PLA2G6: variants seen among roughly 807,000 people sequenced by gnomAD.
PLA2G6 encodes the protein phospholipase A2 group VI.
In PLA2G6, 62 loss-of-function variants were observed where a neutral mutation model predicts 83.8. The observed-to-expected ratio is 0.74, with a 90% CI of 0.60 to 0.91. The LOEUF is 0.91. Ranked by LOEUF, PLA2G6 falls within the 40% of genes least tolerant of loss-of-function variation. PLA2G6 has a pLI of 0.00. For missense variants in PLA2G6, 944 were observed against 1,102.0 expected (o/e 0.86, Z 2.03); for synonymous variants, 417 against 449.8 (o/e 0.93, Z 0.92).
chr22:38,139,415 T>TTTGA (rs2088752755), intron 5 of PLA2G6: 1 of 147,342 alleles, frequency 6.8e-6, no homozygotes, highest in Non-Finnish European at 1.5e-5. Flanking sequence ...ATAAATTTAT[T>TTTGA]TTTATTTATT....
intron 1 of PLA2G6, among the ~76,000 whole-genome samples, chr22:38,172,348 C>T (rs1035423696): frequency 2.0e-5 from 3 of 152,124 alleles, no homozygotes; most frequent in African/African-American, 7.2e-5. Flanking sequence ...GGCAGCTGCT[C>T]GTCTTTTCAT....
intron 2 of PLA2G6, among the ~76,000 whole-genome samples, chr22:38,155,390 A>C (rs1418547140): frequency 6.6e-6 from 1 of 152,246 alleles, no homozygotes; most frequent in Non-Finnish European, 1.5e-5. Context: ...AAGTACACAG[A>C]AACATATAGA....
At chr22:38,160,574 C>T (rs937267673) in intron 2 of PLA2G6, among the ~76,000 whole-genome samples, 4 of 152,134 alleles carry the variant, frequency 2.6e-5, no homozygotes, top group Non-Finnish European at 5.9e-5. Context: ...TGGCCGGGGG[C>T]GGTGGCTCAC....
chr22:38,116,055 G>A lies in PLA2G6; in HGVS notation c.1879+20C>T. ...CTCGGGCCAGTCGCTTCCCATGGATGCATCAAACATGGTTTAAACCTGAGG... is the reference window on the plus strand; with the variant it reads ...CTCGGGCCAGTCGCTTCCCATGGATACATCAAACATGGTTTAAACCTGAGG... On this transcript the variant is annotated intron_variant, in intron 13 of 16. Coordinates refer to ENST00000332509, the MANE Select transcript of PLA2G6 (RefSeq NM_003560.4). 6.2e-7 allele frequency: 1 copy of A among 1,612,608 alleles called. No homozygotes were observed. Among genetic ancestry groups the A allele is most frequent in the South Asian group, 1.1e-5 (1 of 91,034 alleles).
chr22:38,178,019 G>A lies in PLA2G6; in HGVS notation c.-46+3645C>T, dbSNP rs562092424. On this transcript the variant is annotated intron_variant, in intron 1 of 16. Transcript: ENST00000332509. The stretch of plus-strand genomic sequence containing the variant: ...CGTCTCAAAATGCACTGCTGCTCAC[G>A]TGAGCCAGAGCAAAACGTCCTTTCA... Among the ~76,000 whole-genome samples the A allele has an allele frequency of 8.5e-5, 13 of 152,284 alleles. No individual in the cohort carries two copies. The South Asian group carries it at 1.2e-3, about 15-fold the overall frequency.
chr22:38,134,349 C>G (rs2088405145), intron 6 of PLA2G6: 1 of 152,482 alleles, frequency 6.6e-6, no homozygotes, highest in South Asian at 2.1e-4. Flanking sequence ...ATCACGAGGT[C>G]AGGAGATCGA....
chr22:38,114,625 C>T (rs954212960), intron 14 of PLA2G6, among the ~76,000 whole-genome samples: 2 of 152,336 alleles, frequency 1.3e-5, no homozygotes, highest in African/African-American at 2.4e-5. Flanking sequence ...GACAGTCTGA[C>T]GGTCTCTGCC....
chr22:38,113,650 T>C lies in PLA2G6; in HGVS notation c.2039A>G (p.Gln680Arg), dbSNP rs199950260. The C allele has an allele frequency of 1.2e-6, 2 of 1,613,638 alleles. No individual in the cohort carries two copies. The highest frequency in any genetic ancestry group is 2.2e-5 in the East Asian group (1 of 44,892). The change falls in exon 15 of 17, where the codon CAG (glutamine) becomes CGG (arginine). Residue 680 changes from glutamine to arginine, a missense_variant. Gln to Arg is a conservative substitution (Grantham distance 43). Coordinates refer to ENST00000332509, the MANE Select transcript of PLA2G6 (RefSeq NM_003560.4). ...GGAGAGTTTCTTCACCTTGTTGGCCTGACCCTGTTGGGAACAGGACAGGGG... is the reference window on the plus strand; with the variant it reads ...GGAGAGTTTCTTCACCTTGTTGGCCCGACCCTGTTGGGAACAGGACAGGGG... Reference protein sequence around the residue: ...EYNQDLIRKGQANKVKKLSIV... With the variant: ...EYNQDLIRKGRANKVKKLSIV...
At position 38,126,378 on chromosome 22, in the gene PLA2G6, T is replaced by C; in HGVS notation, c.1420A>G (p.Lys474Glu). The change falls in exon 10 of 17, where the codon AAG (lysine) becomes GAG (glutamate). Residue 474 changes from lysine to glutamate, a missense_variant. Physicochemically the swap from Lys to Glu is moderately conservative, Grantham distance 56. Coordinates refer to ENST00000332509, the MANE Select transcript of PLA2G6 (RefSeq NM_003560.4). ...CGATCTCGATCCACTTACGTCCGCT[T>C]CTCGTCCCTCATGGAGCCCAGGATG... ...AFILGSMRDEKRTHDHLLCLD... is the reference protein window; with the variant it reads ...AFILGSMRDEERTHDHLLCLD... 6.2e-7 allele frequency: 1 copy of C among 1,612,908 alleles called. No individual in the cohort carries two copies.
In PLA2G6 at chr22:38,133,032, C is replaced by A. The variant is rs1373415598; in HGVS notation, c.895-19G>T. The A allele has an allele frequency of 1.4e-5, 22 of 1,552,732 alleles. No homozygotes were observed. In the East Asian group the frequency reaches 5.0e-4, roughly 36 times the overall value. On this transcript the variant is annotated intron_variant, in intron 6 of 16. Transcript: ENST00000332509. ...GGGCCATCTGCGGGAGACGGTCAGG[C>A]TGAGTTAGCACAGGCACTCGGGGAG... is the stretch of plus-strand genomic sequence containing the variant.
rs1045298018 is a variant in PLA2G6 at position 38,148,564 on chromosome 22, A to G, written c.210-2911T>C. On this transcript the variant is annotated intron_variant, in intron 2 of 16. Transcript: ENST00000332509. Reference sequence around the variant, plus strand: ...GGCTGTTACTGGAGAGGATGGGCAGACGAGCAGCACCAGTAACAGCCTCAT... The same window carrying G: ...GGCTGTTACTGGAGAGGATGGGCAGGCGAGCAGCACCAGTAACAGCCTCAT... 4 of 717,104 alleles carry G rather than the reference A, an allele frequency of 5.6e-6. No individual in the cohort carries two copies. The African/African-American group carries it at 7.0e-5, about 13-fold the overall frequency. 44.4% of individuals were successfully genotyped at this position (717,104 alleles called of 1,614,324 possible).
chr22:38,180,581 A>G (rs6001045), intron 1 of PLA2G6, among the ~76,000 whole-genome samples: 2,994 of 152,296 alleles, frequency 0.02, 105 homozygotes, highest in African/African-American at 0.069. Flanking sequence ...GCCAAATGAT[A>G]CACTGAAAGA....
intron 1 of PLA2G6, 122 bp downstream of exon 1, chr22:38,181,542 G>A (rs2090847927): frequency 6.6e-6 from 1 of 152,284 alleles, no homozygotes; most frequent in Admixed American, 6.5e-5. Flanking sequence ...GGGGTCCCTG[G>A]GGTCCACAAG....
At chr22:38,173,080 A>T (rs551538906) in intron 1 of PLA2G6, among the ~76,000 whole-genome samples, 1 of 152,316 alleles carries the variant, frequency 6.6e-6, no homozygotes, top group Non-Finnish European at 1.5e-5. Flanking sequence ...CACTCACGGC[A>T]TTGCCAACCA....
At chr22:38,145,000 T>C in intron 3 of PLA2G6, 1 of 358,238 alleles carries the variant, frequency 2.8e-6, no homozygotes, top group Non-Finnish European at 5.4e-6. Context: ...ACATTGTCCT[T>C]CTTACATTTT....
intron 1 of PLA2G6, among the ~76,000 whole-genome samples, chr22:38,174,739 G>A (rs1432175807): frequency 1.3e-5 from 2 of 152,178 alleles, no homozygotes; most frequent in African/African-American, 4.8e-5. Flanking sequence ...CCCATGAACG[G>A]TGAGCATTTT....
chr22:38,136,687 T>C (rs923565369), intron 5 of PLA2G6: 1 of 151,846 alleles, frequency 6.6e-6, no homozygotes, highest in Non-Finnish European at 1.5e-5. Context: ...TCAGAATCAT[T>C]GTATACTTTC....
At position 38,169,159 on chromosome 22, in the gene PLA2G6, C is replaced by T. The variant is rs528653917; in HGVS notation, c.209+59G>A. 190 of 1,345,362 alleles carry T rather than the reference C, an allele frequency of 1.4e-4. No homozygotes were observed. In the African/African-American group the frequency reaches 1.7e-3, roughly 12 times the overall value. 83.3% of individuals were successfully genotyped at this position (1,345,362 alleles called of 1,614,324 possible). Reference sequence around the variant, plus strand: ...ACTGCTTCTCGGCCAATAAGACCTCCAATCCGAGACGTGGGGGAGTGAAAG... The same window carrying T: ...ACTGCTTCTCGGCCAATAAGACCTCTAATCCGAGACGTGGGGGAGTGAAAG... On this transcript the variant is annotated intron_variant, in intron 2 of 16. Coordinates refer to ENST00000332509, the MANE Select transcript of PLA2G6 (RefSeq NM_003560.4).
chr22:38,151,317 G>A (rs942319335), intron 2 of PLA2G6, among the ~76,000 whole-genome samples: 3 of 151,182 alleles, frequency 2.0e-5, no homozygotes, highest in Admixed American at 6.6e-5. Context: ...TGCAATCAAC[G>A]CTCACTGCAG....
Sources: gnomAD v4.1 joint callset for allele counts (sites outside exome capture counted in the v4.1 genomes callset) on GRCh38, gnomAD v4.1.1 for gene constraint, MANE v1.5 for transcripts, NCBI Gene and HGNC (gene_info 2026-07-23, HGNC 2026-07-21) for gene names.